The following NFASC variants were observed in gnomAD, a reference collection of about 807,000 sequenced individuals.
NFASC encodes neurofascin, also known as neurofascin homolog.
NFASC carries 43 observed loss-of-function variants against 147.5 expected under a neutral mutation model. That is an observed-to-expected ratio of 0.29 (90% CI 0.23 to 0.38). The LOEUF (loss-of-function observed/expected upper bound fraction) is 0.38, where lower values mean the gene tolerates loss of function less well. Among genes scored for constraint, NFASC ranks in the 10% least tolerant of loss-of-function variants. NFASC has a pLI of 1.00. For missense variants in NFASC, 1,320 were observed against 1,689.0 expected (o/e 0.78, Z 3.83); for synonymous variants, 622 against 665.5 (o/e 0.93, Z 1.01).
In NFASC at chr1:204,979,210, G is replaced by A; in HGVS notation, c.1978+141G>A. On this transcript the variant is annotated intron_variant, in intron 18 of 29. Coordinates refer to ENST00000339876, the MANE Select transcript of NFASC (RefSeq NM_001005388.3). The surrounding 1 kb of genome is among the most constrained non-coding windows in gnomAD (Gnocchi z 6.0). Reference sequence around the variant, plus strand: ...TAACCTCAGAATGTACAGAGGCCTTGGTGTCTCTTCCTGTGCCTTGGGAAG... The same window carrying A: ...TAACCTCAGAATGTACAGAGGCCTTAGTGTCTCTTCCTGTGCCTTGGGAAG... 1 of 931,820 alleles carries A rather than the reference G, an allele frequency of 1.1e-6. No homozygotes were observed. Among genetic ancestry groups the A allele is most frequent in the Non-Finnish European group, 1.7e-6 (1 of 596,376 alleles). 57.7% of individuals were successfully genotyped at this position (931,820 alleles called of 1,614,324 possible). A position where few individuals can be genotyped will look rare whatever the true frequency, so the allele number is the denominator to read the frequency against.
chr1:204,851,967 C>T (rs1022703794), intron 1 of NFASC, among the ~76,000 whole-genome samples: 7 of 152,144 alleles, frequency 4.6e-5, no homozygotes, highest in Admixed American at 1.3e-4. Context: ...TCATGAAGAA[C>T]AGGTGAGTAT....
chr1:204,955,358 G>A (rs1264829374), intron 7 of NFASC, among the ~76,000 whole-genome samples: 2 of 152,166 alleles, frequency 1.3e-5, no homozygotes, highest in Non-Finnish European at 2.9e-5. Context: ...AAGACAGAAG[G>A]GATTAGGGGA....
chr1:204,984,786 G>C (rs922224293), intron 21 of NFASC, among the ~76,000 whole-genome samples: 3 of 152,068 alleles, frequency 2.0e-5, no homozygotes, highest in African/African-American at 7.3e-5. Flanking sequence ...TCTTCAAAAG[G>C]GTGAGCTCAG....
In NFASC at chr1:205,016,267, C is replaced by A; in HGVS notation, c.3492-41C>A. On this transcript the variant is annotated intron_variant, in intron 29 of 29. Coordinates refer to ENST00000339876, the MANE Select transcript of NFASC (RefSeq NM_001005388.3). The surrounding 1 kb of genome is among the most constrained non-coding windows in gnomAD (Gnocchi z 5.1). The stretch of plus-strand genomic sequence containing the variant: ...TGTGCTGGCAGGAGGCCAGCTGCCC[C>A]ATCTCACCCCACCTGAGATTCTCTG... The A allele has an allele frequency of 7.0e-7, 1 of 1,419,704 alleles. No individual in the cohort carries two copies. Among genetic ancestry groups the A allele is most frequent in the Non-Finnish European group, 1.0e-6 (1 of 1,003,666 alleles). 87.9% of individuals were successfully genotyped at this position (1,419,704 alleles called of 1,614,324 possible).
chr1:204,926,404 ATATTTTTTTTTTTTTTTTTTT>A (rs1436747914), intron 2 of NFASC, among the ~76,000 whole-genome samples: 6 of 9,712 alleles, frequency 6.2e-4, no homozygotes, highest in African/African-American at 1.5e-3. Context: ...ATATATATAT[ATATTTTTTTTTTTTTTTTTTT>A]TTTTTTTTGA....
intron 2 of NFASC, among the ~76,000 whole-genome samples, chr1:204,943,632 T>C (rs1573466689): frequency 6.6e-6 from 1 of 152,142 alleles, no homozygotes. Flanking sequence ...TAACCCATGA[T>C]CCCCAGTCCT....
At chr1:204,865,963 C>G (rs1300617529) in intron 1 of NFASC, among the ~76,000 whole-genome samples, 1 of 152,186 alleles carries the variant, frequency 6.6e-6, no homozygotes, top group African/African-American at 2.4e-5. Context: ...GTACCACACC[C>G]TTATCAATAT....
Position 205,002,582 on chromosome 1 carries a change from T to C in NFASC, c.3137-14T>C. On this transcript the variant is annotated splice_polypyrimidine_tract_variant and intron_variant, in intron 26 of 29. Transcript: ENST00000339876. ...GTGCCTGGCTCTAGGCTGATTGAGG[T>C]TTCTGTTCCCCAGGCAACCATACGA... 6.8e-7 allele frequency: 1 copy of C among 1,472,710 alleles called. No individual in the cohort carries two copies. Among genetic ancestry groups the C allele is most frequent in the Non-Finnish European group, 9.2e-7 (1 of 1,091,390 alleles). The allele number at this position is 1,472,710 out of a possible 1,614,324, so 91.2% of individuals were successfully genotyped here. A position where few individuals can be genotyped will look rare whatever the true frequency, so the allele number is the denominator to read the frequency against.
intron 2 of NFASC, among the ~76,000 whole-genome samples, chr1:204,936,630 G>A (rs572835195): frequency 2.6e-5 from 4 of 152,276 alleles, no homozygotes; most frequent in Non-Finnish European, 4.4e-5. Flanking sequence ...GGGGTGTCTG[G>A]TGTGCAGGCT....
At chr1:205,006,363 G>A (rs2096112125) in intron 27 of NFASC, among the ~76,000 whole-genome samples, 1 of 152,240 alleles carries the variant, frequency 6.6e-6, no homozygotes, top group Admixed American at 6.5e-5. Context: ...CCAGGAAATA[G>A]AACAATTAAA....
intron 2 of NFASC, among the ~76,000 whole-genome samples, chr1:204,934,116 C>T (rs1023797041): frequency 3.7e-5 from 5 of 135,494 alleles, no homozygotes; most frequent in Admixed American, 8.2e-5. Flanking sequence ...CCACCCCGGG[C>T]GACAGAGTGA....
chr1:204,915,358 T>C (rs911863148), intron 1 of NFASC, among the ~76,000 whole-genome samples: 1 of 152,184 alleles, frequency 6.6e-6, no homozygotes, highest in Non-Finnish European at 1.5e-5. Flanking sequence ...AGATATTTGT[T>C]AATGGCAAAA....
Position 205,010,001 on chromosome 1 carries a change from T to C in NFASC, c.3421+313T>C. On this transcript the variant is annotated intron_variant, in intron 28 of 29. Transcript: ENST00000339876. This position sits in a 1 kb window ranked among gnomAD's most constrained non-coding sequence, Gnocchi z 4.1. ...ACCCATCTGTTCTATAAATTGGCTT[T>C]TTTTCAGCCTGAATCTCATTAGGAT... 1 of 315,318 alleles carries C rather than the reference T, an allele frequency of 3.2e-6. No homozygotes were observed. 19.5% of individuals were successfully genotyped at this position (315,318 alleles called of 1,614,324 possible).
At chr1:204,894,364 G>A (rs1006940259) in intron 1 of NFASC, among the ~76,000 whole-genome samples, 2 of 152,230 alleles carry the variant, frequency 1.3e-5, no homozygotes, top group African/African-American at 2.4e-5. Context: ...TGGGTAGGAG[G>A]AAATGCATTT....
At chr1:204,845,449 C>T (rs1435536886) in intron 1 of NFASC, among the ~76,000 whole-genome samples, 1 of 151,912 alleles carries the variant, frequency 6.6e-6, no homozygotes, top group Non-Finnish European at 1.5e-5. Context: ...CAGAGTGAGA[C>T]TCCATCTCAA....
chr1:204,957,886 C>A (rs945420728), intron 8 of NFASC, 60 bp downstream of exon 8: 1 of 1,529,196 alleles, frequency 6.5e-7, no homozygotes, highest in African/African-American at 1.4e-5. Context: ...CTGATCCCAC[C>A]CAGCCCTAGG....
chr1:204,952,557 G>C (rs1317610654), intron 5 of NFASC, among the ~76,000 whole-genome samples: 1 of 152,202 alleles, frequency 6.6e-6, no homozygotes, highest in Non-Finnish European at 1.5e-5. Flanking sequence ...TCCGGGCTCT[G>C]TGTTAGGTTC....
chr1:204,957,585 C>A, intron 7 of NFASC, 71 bp from the exon 8 acceptor site: 1 of 1,463,660 alleles, frequency 6.8e-7, no homozygotes, highest in Non-Finnish European at 9.5e-7. Context: ...AGTGTTCTGT[C>A]GCCAGGACTG....
intron 24 of NFASC, among the ~76,000 whole-genome samples, chr1:204,993,277 A>G (rs1078719): frequency 0.21 from 31,568 of 152,184 alleles, 4,085 homozygotes; most frequent in Non-Finnish European, 0.29. Context: ...CTGTCTGACA[A>G]TCTGTGATTT....
Sources: gnomAD v4.1 joint callset for allele counts (sites outside exome capture counted in the v4.1 genomes callset) on GRCh38, gnomAD v4.1.1 for gene constraint, Gnocchi (gnomAD v3.1) non-coding constraint, MANE v1.5 for transcripts, NCBI Gene and HGNC (gene_info 2026-07-23, HGNC 2026-07-21) for gene names.